The following NUBPL variants were observed in gnomAD, a reference collection of about 807,000 sequenced individuals.
NUBPL encodes iron-sulfur cluster transfer protein NUBPL.
NUBPL carries 31 observed loss-of-function variants against 45.7 expected under a neutral mutation model. That is an observed-to-expected ratio of 0.68 (90% CI 0.51 to 0.92). NUBPL has a LOEUF of 0.92. NUBPL is among the 40% of genes least tolerant of loss of function. The probability of loss-of-function intolerance (pLI) is 0.00; values close to 1 mark genes in which losing one functional copy is unlikely to be tolerated. For missense variants in NUBPL, 401 were observed against 398.7 expected, an observed-to-expected ratio of 1.01 and a Z score of -0.05; for synonymous variants, 144 against 140.9, an observed-to-expected ratio of 1.02 and a Z score of -0.15.
chr14:31,757,169 G>C (rs546433450), intron 6 of NUBPL, among the ~76,000 whole-genome samples: 2 of 127,838 alleles, frequency 1.6e-5, no homozygotes, highest in African/African-American at 5.1e-5. Context: ...TCTCTTTTTT[G>C]GTTGTGTCTC....
chr14:31,603,956 A>G (rs1178537264), intron 4 of NUBPL, among the ~76,000 whole-genome samples: 1 of 152,160 alleles, frequency 6.6e-6, no homozygotes, highest in African/African-American at 2.4e-5. Flanking sequence ...TAATATGAAA[A>G]CTAGTACATG....
chr14:31,746,813 T>C (rs1429216842), intron 6 of NUBPL, among the ~76,000 whole-genome samples: 1 of 151,928 alleles, frequency 6.6e-6, no homozygotes, highest in African/African-American at 2.4e-5. Flanking sequence ...CTAACACCTG[T>C]AATCCTAGCA....
chr14:31,850,257 CAGAA>C lies in NUBPL; in HGVS notation c.897+63_897+66del, dbSNP rs1595709745. The C allele has an allele frequency of 5.9e-6, 8 of 1,349,374 alleles. No individual in the cohort carries two copies. The East Asian group carries it at 1.6e-4, about 27-fold the overall frequency. 83.6% of individuals were successfully genotyped at this position (1,349,374 alleles called of 1,614,324 possible). On this transcript the variant is annotated intron_variant, in intron 10 of 10. Transcript: ENST00000281081. ...TTTCTTTTTATGTACTTTTGAAATA[CAGAA>C]AGAAAGTTGGGAAGATTAAGCGTTT...
chr14:31,841,936 T>G (rs1197064677), intron 8 of NUBPL, among the ~76,000 whole-genome samples: 2 of 127,050 alleles, frequency 1.6e-5, no homozygotes, highest in African/African-American at 3.0e-5. Flanking sequence ...TTTTTTTTTT[T>G]TTTTTTTTTT....
chr14:31,793,068 T>G (rs563998766), intron 7 of NUBPL, among the ~76,000 whole-genome samples: 7 of 152,212 alleles, frequency 4.6e-5, no homozygotes, highest in African/African-American at 1.4e-4. Context: ...TAGAACTCTT[T>G]TAAGATACTC....
In NUBPL at chr14:31,571,459, T is replaced by G. The variant is rs577047018; in HGVS notation, c.291+6411T>G. On this transcript the variant is annotated intron_variant, in intron 3 of 10. Coordinates refer to ENST00000281081, the MANE Select transcript of NUBPL (RefSeq NM_025152.3). ...CCTGAATTCCTGCCAAGTGAGTGTC[T>G]TCTTCTTTTTTTTTTTTTCTCACTC... is the stretch of plus-strand genomic sequence containing the variant. 1.2e-3 allele frequency among the ~76,000 whole-genome samples: 165 copies of G among 138,880 alleles called. 1 individual carries two copies. Among genetic ancestry groups the G allele is most frequent in the African/African-American group, 3.8e-3 (155 of 40,564 alleles). The allele number at this position is 138,880 out of a possible 152,430, so 91.1% of individuals were successfully genotyped here.
chr14:31,776,953 C>T (rs1237602085), intron 6 of NUBPL, among the ~76,000 whole-genome samples: 1 of 152,150 alleles, frequency 6.6e-6, no homozygotes, highest in Non-Finnish European at 1.5e-5. Context: ...TTTCAGAGAA[C>T]AAGGGAAAGA....
chr14:31,635,459 T>C (rs912129561), intron 4 of NUBPL, among the ~76,000 whole-genome samples: 5 of 152,054 alleles, frequency 3.3e-5, no homozygotes, highest in Non-Finnish European at 5.9e-5. Context: ...ATCTCTGTTT[T>C]GGTACCAGTA....
intron 7 of NUBPL, among the ~76,000 whole-genome samples, chr14:31,816,675 A>G (rs566210726): frequency 3.3e-5 from 5 of 152,278 alleles, no homozygotes; most frequent in African/African-American, 1.2e-4. Context: ...TTAGTGCTAT[A>G]AATTTCCCTC....
At chr14:31,766,739 A>C (rs1176107678) in intron 6 of NUBPL, among the ~76,000 whole-genome samples, 2 of 152,244 alleles carry the variant, frequency 1.3e-5, no homozygotes, top group Non-Finnish European at 2.9e-5. Context: ...GGTAACACAA[A>C]TACAAATGAG....
chr14:31,857,305 G>A (rs958967530), intron 10 of NUBPL, among the ~76,000 whole-genome samples: 64 of 152,118 alleles, frequency 4.2e-4, no homozygotes, highest in African/African-American at 1.5e-3. Flanking sequence ...CACAACACGG[G>A]GACTCTGGGC....
chr14:31,700,782 C>T (rs2037316476), intron 6 of NUBPL, among the ~76,000 whole-genome samples: 1 of 152,166 alleles, frequency 6.6e-6, no homozygotes. Context: ...CGCCCCTCCA[C>T]AGGGCAGGGC....
intron 4 of NUBPL, among the ~76,000 whole-genome samples, chr14:31,650,205 A>G (rs2035962331): frequency 6.6e-6 from 1 of 151,976 alleles, no homozygotes; most frequent in African/African-American, 2.4e-5. Flanking sequence ...ATTAGTTTGT[A>G]TTGATATAAG....
At position 31,860,981 on chromosome 14, in the gene NUBPL, G is replaced by A. The variant is rs527594294; in HGVS notation, c.*1801G>A. ...GATTAGTGGTGGCTGTGTTAAGGAG[G>A]GGGTGAGGATGGGAGAGAATTGGGC... On this transcript the variant is annotated 3_prime_UTR_variant, in exon 11 of 11. Transcript: ENST00000281081. 2.6e-5 allele frequency: 4 copies of A among 152,322 alleles called. No homozygotes were observed. In the East Asian group the frequency reaches 7.7e-4, roughly 29 times the overall value. 9.4% of individuals were successfully genotyped at this position (152,322 alleles called of 1,614,324 possible). A position where few individuals can be genotyped will look rare whatever the true frequency, so the allele number is the denominator to read the frequency against.
intron 4 of NUBPL, among the ~76,000 whole-genome samples, chr14:31,645,002 C>G (rs2035804559): frequency 6.6e-6 from 1 of 151,650 alleles, no homozygotes; most frequent in African/African-American, 2.4e-5. Flanking sequence ...CATGGAATAT[C>G]TTCTCCAATC....
Position 31,782,784 on chromosome 14 carries a change from T to TA in NUBPL, c.514-4990dup, listed in dbSNP as rs1555337718. 1.1e-4 allele frequency among the ~76,000 whole-genome samples: 14 copies of TA among 124,502 alleles called. No individual in the cohort carries two copies. In the East Asian group the frequency reaches 3.3e-3, roughly 30 times the overall value. The allele number at this position is 124,502 out of a possible 152,430, so 81.7% of individuals were successfully genotyped here. Reference sequence around the variant, plus strand: ...CTGGGCGACAGAGTGAGACTCCGTCTAAAAAACAAACAAACAAACAAACAA... The same window carrying TA: ...CTGGGCGACAGAGTGAGACTCCGTCTAAAAAAACAAACAAACAAACAAACAA... On this transcript the variant is annotated intron_variant, in intron 6 of 10. Transcript: ENST00000281081.
At chr14:31,764,989 A>C (rs2038885118) in intron 6 of NUBPL, among the ~76,000 whole-genome samples, 1 of 152,182 alleles carries the variant, frequency 6.6e-6, no homozygotes, top group South Asian at 2.1e-4. Flanking sequence ...TTTGTGTTAT[A>C]GGTAAGGGCT....
At chr14:31,565,621 T>C (rs1595284683) in intron 3 of NUBPL, among the ~76,000 whole-genome samples, 1 of 152,102 alleles carries the variant, frequency 6.6e-6, no homozygotes. Context: ...GCATTAATGG[T>C]CAATGATAAT....
intron 4 of NUBPL, among the ~76,000 whole-genome samples, chr14:31,623,820 G>A (rs186663288): frequency 6.6e-6 from 1 of 152,182 alleles, no homozygotes; most frequent in African/African-American, 2.4e-5. Context: ...AAGCTTTTGG[G>A]CATGGTTAAA....
Sources: allele counts gnomAD v4.1 joint callset (sites outside exome capture counted in the v4.1 genomes callset), GRCh38; gene constraint gnomAD v4.1.1; transcripts MANE v1.5; gene names NCBI Gene and HGNC (gene_info 2026-07-23, HGNC 2026-07-21).